The following ASIC2 variants were observed in gnomAD, a reference collection of about 807,000 sequenced individuals.
ASIC2 encodes acid sensing ion channel subunit 2, also known as acid-sensing ion channel 2.
A neutral mutation model predicts 57.3 loss-of-function variants in ASIC2; 25 were observed. That is an observed-to-expected ratio of 0.44 (90% confidence interval 0.32 to 0.61). The LOEUF is 0.61. Ranked by LOEUF, ASIC2 falls within the 20% of genes least tolerant of loss-of-function variation. ASIC2 has a pLI of 0.06. For missense variants in ASIC2, 641 were observed against 738.1 expected, an observed-to-expected ratio of 0.87 and a Z score of 1.52; for synonymous variants, 319 against 307.5, an observed-to-expected ratio of 1.04 and a Z score of -0.39.
intron 1 of ASIC2, among the ~76,000 whole-genome samples, chr17:33,774,685 G>C (rs1264116089): frequency 6.6e-6 from 1 of 152,134 alleles, no homozygotes; most frequent in Non-Finnish European, 1.5e-5. Flanking sequence ...TGGGAGTTTG[G>C]AGACATACAC....
At chr17:33,369,131 G>A (rs961177539) in intron 1 of ASIC2, among the ~76,000 whole-genome samples, 15 of 152,280 alleles carry the variant, frequency 9.9e-5, no homozygotes, top group African/African-American at 3.6e-4. Context: ...AAATATCAAA[G>A]GGCAGTGAGT....
Position 33,428,430 on chromosome 17 carries a change from C to A in ASIC2, c.556-316363G>T, listed in dbSNP as rs12953219. ...AGCAGGGATTAGGTATAGGGTATTG[C>A]CTCAATTTCCAGGGCTAAAACTTGG... On this transcript the variant is annotated intron_variant, in intron 1 of 9. Coordinates refer to the ASIC2 transcript ENST00000359872. Among the ~76,000 whole-genome samples, 311 of 152,216 alleles carry A rather than the reference C, an allele frequency of 2.0e-3. 1 individual carries two copies. The highest frequency in any genetic ancestry group is 7.0e-3 in the African/African-American group (289 of 41,542).
intron 1 of ASIC2, among the ~76,000 whole-genome samples, chr17:33,536,591 T>C (rs1002572967): frequency 6.6e-6 from 1 of 152,238 alleles, no homozygotes; most frequent in African/African-American, 2.4e-5. Flanking sequence ...ACCCAAGTCA[T>C]AGCCACTAGC....
chr17:33,815,838 C>T (rs1011967124), intron 1 of ASIC2, among the ~76,000 whole-genome samples: 2 of 152,136 alleles, frequency 1.3e-5, no homozygotes, highest in Non-Finnish European at 2.9e-5. Flanking sequence ...GAAACTGAGG[C>T]CCAGAAAGGG....
At chr17:33,903,726 G>A (rs1334936477) in intron 1 of ASIC2, among the ~76,000 whole-genome samples, 1 of 152,208 alleles carries the variant, frequency 6.6e-6, no homozygotes, top group Admixed American at 6.5e-5. Context: ...CATGAGATGA[G>A]ATTCCAATTT....
At chr17:33,786,229 G>A (rs1911596560) in intron 1 of ASIC2, among the ~76,000 whole-genome samples, 1 of 152,088 alleles carries the variant, frequency 6.6e-6, no homozygotes, top group South Asian at 2.1e-4. Context: ...AATAGAAGGT[G>A]AGCCCTGAGT....
At chr17:33,612,701 C>T (rs1200438814) in intron 1 of ASIC2, among the ~76,000 whole-genome samples, 7 of 152,204 alleles carry the variant, frequency 4.6e-5, no homozygotes, top group Non-Finnish European at 1.0e-4. Flanking sequence ...TACACAATGC[C>T]AGGACAACCT....
chr17:33,718,621 C>A (rs1020155451), intron 1 of ASIC2, among the ~76,000 whole-genome samples: 1 of 152,120 alleles, frequency 6.6e-6, no homozygotes, highest in Non-Finnish European at 1.5e-5. Flanking sequence ...TCCTTGCGAG[C>A]AGACACCTGT....
At chr17:33,938,194 C>T (rs1256078733) in intron 1 of ASIC2, among the ~76,000 whole-genome samples, 1 of 152,124 alleles carries the variant, frequency 6.6e-6, no homozygotes, top group Admixed American at 6.6e-5. Flanking sequence ...TGGAGGGATG[C>T]CCTAAACGGG....
chr17:33,745,665 A>G (rs1910238874), intron 1 of ASIC2, among the ~76,000 whole-genome samples: 2 of 152,150 alleles, frequency 1.3e-5, no homozygotes, highest in African/African-American at 2.4e-5. Context: ...AAAAAGAAAA[A>G]AAAAATCTTT....
At chr17:33,083,151 A>G (rs1047809080) in intron 3 of ASIC2, among the ~76,000 whole-genome samples, 48 of 152,202 alleles carry the variant, frequency 3.2e-4, no homozygotes, top group Non-Finnish European at 3.7e-4. Flanking sequence ...TGGATTGATT[A>G]TCCAGTTGTA....
rs1264616420 is a variant in ASIC2 at position 34,021,652 on chromosome 17, T to C, written c.555+134326A>G. 2.6e-5 allele frequency among the ~76,000 whole-genome samples: 4 copies of C among 152,108 alleles called. No individual in the cohort carries two copies. In the East Asian group the frequency reaches 7.7e-4, roughly 29 times the overall value. On this transcript the variant is annotated intron_variant, in intron 1 of 9. Coordinates refer to the ASIC2 transcript ENST00000359872. ...TTCCTCTAAACATGGATCAGATCCC[T>C]ACAGAGTTAGCAGATGAGATCAGCG...
At chr17:33,666,860 A>G (rs944324884) in intron 1 of ASIC2, among the ~76,000 whole-genome samples, 4 of 152,210 alleles carry the variant, frequency 2.6e-5, no homozygotes, top group African/African-American at 9.6e-5. Context: ...TGCCAGATAA[A>G]CTGCAAGATG....
At chr17:34,051,959 A>G (rs1367909983) in intron 1 of ASIC2, among the ~76,000 whole-genome samples, 1 of 152,026 alleles carries the variant, frequency 6.6e-6, no homozygotes, top group Non-Finnish European at 1.5e-5. Flanking sequence ...TCTTGCCCTA[A>G]AATGGTTTGG....
intron 1 of ASIC2, among the ~76,000 whole-genome samples, chr17:33,927,727 A>C (rs986952353): frequency 1.3e-5 from 2 of 152,258 alleles, no homozygotes; most frequent in African/African-American, 4.8e-5. Flanking sequence ...TCACTTGCCC[A>C]GTGTCATTCA....
intron 1 of ASIC2, among the ~76,000 whole-genome samples, chr17:34,054,998 C>T (rs59694375): frequency 0.19 from 29,209 of 152,034 alleles, 3,426 homozygotes; most frequent in African/African-American, 0.34. Context: ...AAAGAAATGA[C>T]TCATCCAAAG....
chr17:33,815,757 A>C (rs1037391735), intron 1 of ASIC2, among the ~76,000 whole-genome samples: 2 of 152,040 alleles, frequency 1.3e-5, no homozygotes, highest in Non-Finnish European at 2.9e-5. Context: ...CATAGAGAGA[A>C]TATTAGAAAT....
chr17:33,187,905 GA>G (rs60454518), intron 1 of ASIC2, among the ~76,000 whole-genome samples: 20,780 of 90,370 alleles, frequency 0.23, 2,081 homozygotes, highest in African/African-American at 0.39. Context: ...GGTCAGGGAT[GA>G]AAAAAAAAAA....
At chr17:33,240,068 T>A (rs1201826895) in intron 1 of ASIC2, among the ~76,000 whole-genome samples, 5 of 152,204 alleles carry the variant, frequency 3.3e-5, no homozygotes, top group African/African-American at 1.2e-4. Context: ...TAAAGGTTTG[T>A]TGGATGAGTC....
Sources: gnomAD v4.1 joint callset for allele counts (sites outside exome capture counted in the v4.1 genomes callset) on GRCh38, gnomAD v4.1.1 for gene constraint, MANE v1.5 for transcripts, NCBI Gene and HGNC (gene_info 2026-07-23, HGNC 2026-07-21) for gene names.